Variants in HSD17B12 observed in about 807,000 individuals in gnomAD.
HSD17B12 encodes hydroxysteroid 17-beta dehydrogenase 12, also known as very-long-chain 3-oxoacyl-CoA reductase.
A neutral mutation model predicts 39.3 loss-of-function variants in HSD17B12; 32 were observed. The observed-to-expected ratio is 0.81, with a 90% CI of 0.61 to 1.09. The LOEUF (loss-of-function observed/expected upper bound fraction) is 1.09, where lower values mean the gene tolerates loss of function less well. HSD17B12 is among the 50% of genes least tolerant of loss of function. The probability of loss-of-function intolerance (pLI) is 0.00; values close to 1 mark genes in which losing one functional copy is unlikely to be tolerated. For synonymous variants in HSD17B12, 150 were observed against 146.7 expected (o/e 1.02, Z -0.16); for missense variants, 342 against 382.9 (o/e 0.89, Z 0.89).
intron 1 of HSD17B12, among the ~76,000 whole-genome samples, chr11:43,729,395 G>T (rs1950248988): frequency 6.6e-6 from 1 of 152,206 alleles, no homozygotes; most frequent in African/African-American, 2.4e-5. Flanking sequence ...AAGTAGGTGA[G>T]TAGGTCTGTA....
At chr11:43,836,640 C>A (rs1951373624) in intron 7 of HSD17B12, among the ~76,000 whole-genome samples, 1 of 151,586 alleles carries the variant, frequency 6.6e-6, no homozygotes, top group Non-Finnish European at 1.5e-5. Context: ...TTATCAATAC[C>A]CCAAAAAAGA....
chr11:43,713,634 G>C (rs1950091725), intron 1 of HSD17B12, among the ~76,000 whole-genome samples: 1 of 152,052 alleles, frequency 6.6e-6, no homozygotes, highest in African/African-American at 2.4e-5. Context: ...AATCCTTTGG[G>C]TATATCCAGT....
At chr11:43,686,350 C>T (rs989356338) in intron 1 of HSD17B12, among the ~76,000 whole-genome samples, 2 of 152,136 alleles carry the variant, frequency 1.3e-5, no homozygotes, top group Non-Finnish European at 2.9e-5. Context: ...AAAGGGAGTA[C>T]GTGTGCCTAA....
At chr11:43,667,430 ACACCG>A in the HSD17B12 span, among the ~76,000 whole-genome samples, 7 of 152,096 alleles carry the variant, frequency 4.6e-5, no homozygotes, top group African/African-American at 1.7e-4. Context: ...GGGATGAACC[ACACCG>A]CACCTAGCCT....
intron 3 of HSD17B12, among the ~76,000 whole-genome samples, chr11:43,768,364 AT>A (rs1373632968): frequency 2.0e-5 from 3 of 152,018 alleles, no homozygotes; most frequent in Non-Finnish European, 4.4e-5. Flanking sequence ...CCTTGTATTC[AT>A]TTATTTAGAG....
intron 1 of HSD17B12, among the ~76,000 whole-genome samples, chr11:43,694,882 T>C (rs993907379): frequency 2.6e-5 from 4 of 151,964 alleles, no homozygotes; most frequent in Non-Finnish European, 5.9e-5. Flanking sequence ...CTTAAGGTCA[T>C]GCATTTTGGG....
chr11:43,791,948 T>A (rs933949098), intron 3 of HSD17B12, among the ~76,000 whole-genome samples: 2 of 152,238 alleles, frequency 1.3e-5, no homozygotes, highest in Non-Finnish European at 2.9e-5. Flanking sequence ...AAAATTGTCA[T>A]GAATATTTTT....
At chr11:43,604,405 T>G in the HSD17B12 span, among the ~76,000 whole-genome samples, 1 of 152,236 alleles carries the variant, frequency 6.6e-6, no homozygotes, top group African/African-American at 2.4e-5. Context: ...AGTTTCATTT[T>G]ATTTAATTGT....
chr11:43,813,032 G>A (rs868594675), intron 4 of HSD17B12, among the ~76,000 whole-genome samples: 51 of 152,170 alleles, frequency 3.4e-4, no homozygotes, highest in Middle Eastern at 3.4e-3. Flanking sequence ...TAGTAGAGAT[G>A]GGGTTTCACC....
chr11:43,603,654 A>G, the HSD17B12 span, among the ~76,000 whole-genome samples: 1 of 152,206 alleles, frequency 6.6e-6, no homozygotes, highest in Non-Finnish European at 1.5e-5. Context: ...TTGAAATTCC[A>G]CTGCCACTCT....
intron 9 of HSD17B12, among the ~76,000 whole-genome samples, chr11:43,840,462 A>G (rs1287962280): frequency 6.6e-6 from 1 of 152,090 alleles, no homozygotes; most frequent in Admixed American, 6.6e-5. Flanking sequence ...ATATCGTGCA[A>G]CCATTGTCAC....
At chr11:43,709,527 A>G (rs758982563) in intron 1 of HSD17B12, among the ~76,000 whole-genome samples, 3 of 152,234 alleles carry the variant, frequency 2.0e-5, no homozygotes, top group Non-Finnish European at 4.4e-5. Context: ...CTTTGATGCA[A>G]TGCTTTTCAG....
intron 6 of HSD17B12, among the ~76,000 whole-genome samples, chr11:43,820,624 C>T (rs1398706614): frequency 1.3e-5 from 2 of 152,150 alleles, no homozygotes; most frequent in African/African-American, 4.8e-5. Flanking sequence ...CAGCCTAATG[C>T]CACAATGAAT....
At chr11:43,773,974 C>T (rs1159433385) in intron 3 of HSD17B12, among the ~76,000 whole-genome samples, 2 of 152,020 alleles carry the variant, frequency 1.3e-5, no homozygotes, top group East Asian at 3.8e-4. Context: ...TGTTGTACAT[C>T]GGGTATAGCC....
At chr11:43,836,691 A>C (rs1260593536) in intron 7 of HSD17B12, among the ~76,000 whole-genome samples, 2 of 152,132 alleles carry the variant, frequency 1.3e-5, no homozygotes, top group Non-Finnish European at 2.9e-5. Context: ...CTAAATTAAA[A>C]ATCTCCTGTA....
chr11:43,725,142 A>C (rs1209410674), intron 1 of HSD17B12, among the ~76,000 whole-genome samples: 1 of 152,192 alleles, frequency 6.6e-6, no homozygotes, highest in Non-Finnish European at 1.5e-5. Flanking sequence ...GCAGTACAGC[A>C]TACTAGGTAA....
the HSD17B12 span, among the ~76,000 whole-genome samples, chr11:43,616,001 TGTGA>T: frequency 6.6e-6 from 1 of 152,256 alleles, no homozygotes; most frequent in African/African-American, 2.4e-5. Flanking sequence ...TGTATCTTTG[TGTGA>T]GTGAGAGCGA....
chr11:43,581,017 C>G, the HSD17B12 span, among the ~76,000 whole-genome samples: 3 of 152,192 alleles, frequency 2.0e-5, no homozygotes, highest in East Asian at 5.8e-4. This position sits in a 1 kb window ranked among gnomAD's most constrained non-coding sequence, Gnocchi z 4.9. Context: ...CGAACTGTAC[C>G]TGTTCAGAGA....
At chr11:43,594,848 CTTCT>C in the HSD17B12 span, among the ~76,000 whole-genome samples, 3 of 151,932 alleles carry the variant, frequency 2.0e-5, no homozygotes, top group Admixed American at 2.0e-4. Flanking sequence ...TTTTTTTTGT[CTTCT>C]TTCTTTTTCC....
Sources: allele counts gnomAD v4.1 joint callset (sites outside exome capture counted in the v4.1 genomes callset), GRCh38; gene constraint gnomAD v4.1.1; non-coding constraint Gnocchi (gnomAD v3.1); transcripts MANE v1.5; gene names NCBI Gene and HGNC (gene_info 2026-07-23, HGNC 2026-07-21).